Variants in PELI2 observed in about 807,000 individuals in gnomAD.
PELI2 encodes the protein pellino E3 ubiquitin protein ligase family member 2, also known as E3 ubiquitin-protein ligase pellino homolog 2.
A neutral mutation model predicts 42.3 loss-of-function variants in PELI2; 23 were observed. That is an observed-to-expected ratio of 0.54 (90% CI 0.39 to 0.77). The LOEUF (loss-of-function observed/expected upper bound fraction) is 0.77, where lower values mean the gene tolerates loss of function less well. Ranked by LOEUF, PELI2 falls within the 30% of genes least tolerant of loss-of-function variation. PELI2 has a pLI of 0.00. For synonymous variants in PELI2, 245 were observed against 212.2 expected, an observed-to-expected ratio of 1.15 and a Z score of -1.34; for missense variants, 463 against 553.2, an observed-to-expected ratio of 0.84 and a Z score of 1.64.
chr14:56,269,204 G>A (rs1594700799), intron 2 of PELI2, among the ~76,000 whole-genome samples: 1 of 152,150 alleles, frequency 6.6e-6, no homozygotes. Context: ...ACTTTAGGAG[G>A]CCAAGGCAGA....
chr14:56,249,058 A>G (rs757859404), intron 2 of PELI2, among the ~76,000 whole-genome samples: 18 of 152,304 alleles, frequency 1.2e-4, no homozygotes, highest in Non-Finnish European at 2.6e-4. Context: ...AATCCCTGTC[A>G]TAGTGGTGCC....
At chr14:56,268,823 G>C (rs895721535) in intron 2 of PELI2, among the ~76,000 whole-genome samples, 17 of 152,064 alleles carry the variant, frequency 1.1e-4, no homozygotes, top group African/African-American at 4.1e-4. Flanking sequence ...TCAGAGCATT[G>C]CCTCACACTG....
chr14:56,290,371 A>G lies in PELI2; in HGVS notation c.611A>G (p.Gln204Arg). The G allele has an allele frequency of 6.2e-7, 1 of 1,613,928 alleles. No individual in the cohort carries two copies. The highest frequency in any genetic ancestry group is 1.1e-5 in the South Asian group (1 of 91,062). ...CGAGGGGGCTTCACCGAGGAGTCCC[A>G]GCCCGGGGTCTGGCGCGAGATCTCT... ...HPRGGFTEESQPGVWREISVC... is the reference protein window; with the variant it reads ...HPRGGFTEESRPGVWREISVC... The change falls in exon 5 of 6, where the codon CAG becomes CGG. Residue 204 changes from glutamine to arginine, a missense_variant. By Grantham distance (43) the Gln-to-Arg change is conservative. Coordinates refer to ENST00000267460, the MANE Select transcript of PELI2 (RefSeq NM_021255.3).
At chr14:56,294,802 C>T (rs1889946780) in intron 5 of PELI2, among the ~76,000 whole-genome samples, 1 of 152,154 alleles carries the variant, frequency 6.6e-6, no homozygotes, top group African/African-American at 2.4e-5. Flanking sequence ...TTCAGCACAC[C>T]CAAAACTGAA....
At chr14:56,178,592 A>T in intron 2 of PELI2, 128 bp downstream of exon 2, 1 of 1,088,674 alleles carries the variant, frequency 9.2e-7, no homozygotes, top group Admixed American at 2.0e-5. Flanking sequence ...GAGGCTGGAT[A>T]ATGCTTTGTT....
At chr14:56,289,880 A>T (rs116157529) in intron 4 of PELI2, among the ~76,000 whole-genome samples, 1,831 of 152,298 alleles carry the variant, frequency 0.012, 37 homozygotes, top group African/African-American at 0.041. Flanking sequence ...TGACAGTGAG[A>T]ACATAGAAAG....
At position 56,258,959 on chromosome 14, in the gene PELI2, CAA is replaced by C. The variant is rs949074379; in HGVS notation, c.208-20715_208-20714del. 2.6e-5 allele frequency among the ~76,000 whole-genome samples: 4 copies of C among 151,452 alleles called. No homozygotes were observed. In the East Asian group the frequency reaches 7.7e-4, roughly 29 times the overall value. ...ATAAATAGAAAATCTCAAAATCATC[CAA>C]AGAAAAAAGGCAATATGCACAGAGA... is the stretch of plus-strand genomic sequence containing the variant. On this transcript the variant is annotated intron_variant, in intron 2 of 5. Transcript: ENST00000267460.
intron 1 of PELI2, among the ~76,000 whole-genome samples, chr14:56,172,545 C>T (rs1277228411): frequency 6.6e-6 from 1 of 152,132 alleles, no homozygotes; most frequent in African/African-American, 2.4e-5. Flanking sequence ...CTGGGAGACT[C>T]TTAAGGAGGG....
At chr14:56,136,572 TAA>T in intron 1 of PELI2, among the ~76,000 whole-genome samples, 1 of 152,258 alleles carries the variant, frequency 6.6e-6, no homozygotes, top group Non-Finnish European at 1.5e-5. Context: ...TAAATAAGAA[TAA>T]AAATAATAAT....
At chr14:56,205,920 G>C (rs1298666929) in intron 2 of PELI2, among the ~76,000 whole-genome samples, 1 of 152,188 alleles carries the variant, frequency 6.6e-6, no homozygotes, top group Non-Finnish European at 1.5e-5. Flanking sequence ...GTATCTAAGA[G>C]GGTAATTGGA....
intron 1 of PELI2, chr14:56,119,875 C>A (rs1004802015): frequency 1.0e-6 from 1 of 982,288 alleles, no homozygotes; most frequent in East Asian, 1.1e-4. Flanking sequence ...AGGCTTAGCA[C>A]ACATATGAGG....
Position 56,137,150 on chromosome 14 carries a change from C to A in PELI2, c.77+18413C>A, listed in dbSNP as rs1341627408. On this transcript the variant is annotated intron_variant, in intron 1 of 5. Transcript: ENST00000267460. The stretch of plus-strand genomic sequence containing the variant: ...TAGGAGTTAAAGATGGGATTTGTAA[C>A]CTCTTTCAGAAAGTTTTATGTCTCA... Among the ~76,000 whole-genome samples, 7 of 152,194 alleles carry A rather than the reference C, an allele frequency of 4.6e-5. No individual in the cohort carries two copies. The East Asian group carries it at 1.2e-3, about 25-fold the overall frequency.
rs1485627261 is a variant in PELI2, at chr14:56,118,737, G to T, written c.77G>T (p.Gly26Val). Residue 26 changes from glycine (G) to valine (V), a missense_variant and splice_region_variant, in exon 1 of 6, where the codon GGG becomes GTG. Around this residue, in one of 3 missense-constraint regions of PELI2, gnomAD observed 343 missense variants for 378.4 expected, o/e 0.91. Coordinates refer to ENST00000267460, the MANE Select transcript of PELI2 (RefSeq NM_021255.3). The stretch of plus-strand genomic sequence containing the variant: ...AAATACGGGGAGCTGGTGGTGCTCG[G>T]GTGAGTCCTGGGGTCCCTGGTCCCG... ...PVKYGELVVLGYNGALPNGDR... is the reference protein window; with the variant it reads ...PVKYGELVVLVYNGALPNGDR... 2.0e-6 allele frequency: 3 copies of T among 1,520,378 alleles called. No homozygotes were observed. The African/African-American group carries it at 4.3e-5, about 22-fold the overall frequency. 94.2% of individuals were successfully genotyped at this position (1,520,378 alleles called of 1,614,324 possible). A position where few individuals can be genotyped will look rare whatever the true frequency, so the allele number is the denominator to read the frequency against.
chr14:56,197,229 C>T lies in PELI2; in HGVS notation c.207+18765C>T, dbSNP rs1228513307. On this transcript the variant is annotated intron_variant, in intron 2 of 5. Transcript: ENST00000267460. The surrounding 1 kb of genome is among the most constrained non-coding windows in gnomAD (Gnocchi z 4.9). ...TTGGTGCTCAGCACTGTCAAGGAAACAAACAGTGGAGAATACTGTGAGGGC... is the reference window on the plus strand; with the variant it reads ...TTGGTGCTCAGCACTGTCAAGGAAATAAACAGTGGAGAATACTGTGAGGGC... Among the ~76,000 whole-genome samples the T allele has an allele frequency of 6.6e-6, 1 of 152,118 alleles. No homozygotes were observed. The highest frequency in any genetic ancestry group is 2.4e-5 in the African/African-American group (1 of 41,416).
chr14:56,269,995 G>GA (rs1365317352), intron 2 of PELI2, among the ~76,000 whole-genome samples: 2 of 152,178 alleles, frequency 1.3e-5, no homozygotes, highest in African/African-American at 4.8e-5. Flanking sequence ...CCCCAAATTA[G>GA]AAACAGACTC....
intron 2 of PELI2, among the ~76,000 whole-genome samples, chr14:56,261,500 G>T (rs1045048272): frequency 2.0e-5 from 3 of 152,012 alleles, no homozygotes; most frequent in African/African-American, 7.3e-5. Context: ...CCAATCCTAT[G>T]GTCTCATAAA....
chr14:56,259,839 T>A (rs1888653250), intron 2 of PELI2, among the ~76,000 whole-genome samples: 1 of 152,044 alleles, frequency 6.6e-6, no homozygotes, highest in Non-Finnish European at 1.5e-5. Flanking sequence ...TAGCAATAAG[T>A]AATAGAGAAT....
At chr14:56,270,931 A>T (rs929393069) in intron 2 of PELI2, among the ~76,000 whole-genome samples, 2 of 152,178 alleles carry the variant, frequency 1.3e-5, no homozygotes, top group Non-Finnish European at 2.9e-5. Flanking sequence ...TCTAAAGTAC[A>T]TGTAAAGTTT....
At chr14:56,119,704 G>C (rs558466597) in intron 1 of PELI2, 1 of 907,292 alleles carries the variant, frequency 1.1e-6, no homozygotes. Context: ...GAAAGGGGAG[G>C]GGGAAGGGGG....
Sources: gnomAD v4.1 joint callset for allele counts (sites outside exome capture counted in the v4.1 genomes callset) on GRCh38, gnomAD v4.1.1 for gene constraint, gnomAD v4.1.1 regional missense constraint, Gnocchi (gnomAD v3.1) non-coding constraint, MANE v1.5 for transcripts, NCBI Gene and HGNC (gene_info 2026-07-23, HGNC 2026-07-21) for gene names.